GAB2: variants seen among roughly 807,000 people sequenced by gnomAD.
GAB2 encodes GRB2 associated binding protein 2, also known as GRB2-associated-binding protein 2.
Under a neutral mutation model 65.5 loss-of-function variants are expected in GAB2, and 26 were observed. The observed-to-expected ratio is 0.40, with a 90% CI of 0.29 to 0.55. GAB2 has a LOEUF of 0.55. GAB2 is among the 20% of genes least tolerant of loss of function. GAB2 has a pLI of 0.53. For missense variants in GAB2, 884 were observed against 875.8 expected, an observed-to-expected ratio of 1.01 and a Z score of -0.12; for synonymous variants, 321 against 329.6, an observed-to-expected ratio of 0.97 and a Z score of 0.28.
intron 7 of GAB2, 24 bp from the exon 8 acceptor site, chr11:78,221,803 C>T (rs994742841): frequency 7.2e-6 from 11 of 1,530,950 alleles, no homozygotes; most frequent in African/African-American, 1.4e-5. Flanking sequence ...GAAGAGTTAA[C>T]ACTGGGGAAG....
chr11:78,417,437 G>GC (rs1460829035), intron 1 of GAB2, among the ~76,000 whole-genome samples: 1 of 151,914 alleles, frequency 6.6e-6, no homozygotes, highest in Non-Finnish European at 1.5e-5. Context: ...AGGAGCCGCA[G>GC]CCTCAACCTG....
At chr11:78,322,150 T>A (rs1231942022) in intron 1 of GAB2, among the ~76,000 whole-genome samples, 1 of 150,448 alleles carries the variant, frequency 6.6e-6, no homozygotes. Context: ...AATAAAAATA[T>A]AAAAATTAGC....
At chr11:78,351,196 AG>A (rs1256333563) in intron 1 of GAB2, among the ~76,000 whole-genome samples, 1 of 151,978 alleles carries the variant, frequency 6.6e-6, no homozygotes, top group Non-Finnish European at 1.5e-5. Context: ...CCTGTATTCT[AG>A]CCCTTGAGCC....
intron 3 of GAB2, among the ~76,000 whole-genome samples, chr11:78,235,314 G>C (rs1057439992): frequency 2.0e-5 from 3 of 151,740 alleles, no homozygotes; most frequent in African/African-American, 7.3e-5. Context: ...CACCATGCCG[G>C]GCTAATTTTT....
chr11:78,380,673 T>C (rs1856685883), intron 1 of GAB2, among the ~76,000 whole-genome samples: 1 of 152,212 alleles, frequency 6.6e-6, no homozygotes, highest in Admixed American at 6.5e-5. Context: ...TAATTCAAAC[T>C]GAAAGCTATT....
chr11:78,412,031 A>AAACAAC (rs373083805), intron 1 of GAB2, among the ~76,000 whole-genome samples: 2,168 of 150,752 alleles, frequency 0.014, 44 homozygotes, highest in African/African-American at 0.05. Context: ...ATCTGTCTAA[A>AAACAAC]AACAACAACA....
intron 1 of GAB2, among the ~76,000 whole-genome samples, chr11:78,291,186 C>T (rs1343891125): frequency 6.6e-6 from 1 of 150,960 alleles, no homozygotes. Context: ...GGCGTGGTGG[C>T]TCACGTCTGT....
intron 1 of GAB2, among the ~76,000 whole-genome samples, chr11:78,379,879 C>G (rs868439988): frequency 1.4e-4 from 21 of 152,282 alleles, no homozygotes; most frequent in Middle Eastern, 3.4e-3. Flanking sequence ...TTGCAAAATA[C>G]GTGTCAGTAA....
chr11:78,360,376 G>A (rs1591064803), intron 1 of GAB2, among the ~76,000 whole-genome samples: 1 of 137,754 alleles, frequency 7.3e-6, no homozygotes, highest in Non-Finnish European at 1.5e-5. Flanking sequence ...ACAATATGAC[G>A]AAGCCCTGTT....
At chr11:78,277,105 T>C (rs933536713) in intron 2 of GAB2, among the ~76,000 whole-genome samples, 1 of 152,184 alleles carries the variant, frequency 6.6e-6, no homozygotes, top group Admixed American at 6.5e-5. Flanking sequence ...GCAGGAGCCA[T>C]CATGCCCAGC....
intron 1 of GAB2, among the ~76,000 whole-genome samples, chr11:78,286,625 A>G (rs1022137567): frequency 7.0e-6 from 1 of 142,836 alleles, no homozygotes; most frequent in Non-Finnish European, 1.5e-5. Flanking sequence ...GTTCAAATTA[A>G]TAAAACTTAT....
chr11:78,303,363 A>G (rs1591018709), intron 1 of GAB2, among the ~76,000 whole-genome samples: 2 of 152,200 alleles, frequency 1.3e-5, no homozygotes, highest in African/African-American at 4.8e-5. Flanking sequence ...GAAAAAGGTC[A>G]TGGTTCAATT....
chr11:78,252,881 C>T (rs892713085), intron 2 of GAB2, among the ~76,000 whole-genome samples: 1 of 152,124 alleles, frequency 6.6e-6, no homozygotes, highest in Non-Finnish European at 1.5e-5. Flanking sequence ...ATAAGTTCTC[C>T]AAGCCAGAAG....
chr11:78,417,749 C>T lies in GAB2; in HGVS notation c.-29G>A. 8.3e-7 allele frequency: 1 copy of T among 1,203,878 alleles called. No homozygotes were observed. The highest frequency in any genetic ancestry group is 1.1e-6 in the Non-Finnish European group (1 of 948,448). 74.6% of individuals were successfully genotyped at this position (1,203,878 alleles called of 1,614,324 possible). ...GCCGGCCTGGAGCCCCCCGCCGGGT[C>T]GCGCGGACGAGGGCGCGGGCTCGGG... is the stretch of plus-strand genomic sequence containing the variant. On this transcript the variant is annotated 5_prime_UTR_variant, in exon 1 of 10. Transcript: ENST00000361507.
chr11:78,232,802 C>T (rs2512550), intron 3 of GAB2, among the ~76,000 whole-genome samples: 45,052 of 151,994 alleles, frequency 0.3, 8,703 homozygotes, highest in African/African-American at 0.54. Flanking sequence ...CAATCAGACA[C>T]AGTTATGTCT....
chr11:78,298,830 G>A (rs567374877), intron 1 of GAB2, among the ~76,000 whole-genome samples: 1 of 152,288 alleles, frequency 6.6e-6, no homozygotes, highest in Non-Finnish European at 1.5e-5. Flanking sequence ...CCTTTCTTCT[G>A]GGACAAAGGC....
At chr11:78,342,442 C>G (rs977171624) in intron 1 of GAB2, among the ~76,000 whole-genome samples, 2 of 139,458 alleles carry the variant, frequency 1.4e-5, no homozygotes, top group African/African-American at 5.5e-5. Context: ...CGGAGTCTCG[C>G]TTTGTCGCCC....
rs1419527810 is a variant in GAB2, at chr11:78,346,674, C to CACAT, written c.76-65774_76-65773insATGT. ...TGGGCTGTTCTGTTTACATCCCCTC[C>CACAT]ATATATATATATATATATATATATA... On this transcript the variant is annotated intron_variant, in intron 1 of 9. Coordinates refer to ENST00000361507, the MANE Select transcript of GAB2 (RefSeq NM_080491.3). Among the ~76,000 whole-genome samples the CACAT allele has an allele frequency of 2.6e-3, 145 of 54,896 alleles. 5 individuals are homozygous for CACAT. Among genetic ancestry groups the CACAT allele is most frequent in the African/African-American group, 8.7e-3 (122 of 14,092 alleles). 36.0% of individuals were successfully genotyped at this position (54,896 alleles called of 152,430 possible). A position where few individuals can be genotyped will look rare whatever the true frequency, so the allele number is the denominator to read the frequency against.
chr11:78,269,628 A>G (rs1416045481), intron 2 of GAB2, among the ~76,000 whole-genome samples: 1 of 152,230 alleles, frequency 6.6e-6, no homozygotes, highest in Non-Finnish European at 1.5e-5. Context: ...AAGCATTCCT[A>G]TGGGTATCGT....
Sources: gnomAD v4.1 joint callset for allele counts (sites outside exome capture counted in the v4.1 genomes callset) on GRCh38, gnomAD v4.1.1 for gene constraint, MANE v1.5 for transcripts, NCBI Gene and HGNC (gene_info 2026-07-23, HGNC 2026-07-21) for gene names.